The following FRMD6 variants were observed in gnomAD, a reference collection of about 807,000 sequenced individuals.
FRMD6 encodes FERM domain-containing protein 6.
Under a neutral mutation model 73.2 loss-of-function variants are expected in FRMD6, and 37 were observed. That is an observed-to-expected ratio of 0.51 (90% CI 0.39 to 0.66). FRMD6 has a LOEUF of 0.66. Among genes scored for constraint, FRMD6 ranks in the 30% least tolerant of loss-of-function variants. The pLI is 0.00. For synonymous variants in FRMD6, 273 were observed against 282.2 expected, an observed-to-expected ratio of 0.97 and a Z score of 0.33; for missense variants, 714 against 780.5, an observed-to-expected ratio of 0.91 and a Z score of 1.02.
At chr14:51,708,280 T>A (rs1162556932) in intron 7 of FRMD6, 47 bp downstream of exon 7, 1 of 1,553,794 alleles carries the variant, frequency 6.4e-7, no homozygotes, top group Non-Finnish European at 8.8e-7. Flanking sequence ...AAAAACATCT[T>A]CTCAATAGGA....
intron 10 of FRMD6, among the ~76,000 whole-genome samples, chr14:51,717,025 C>T (rs552866207): frequency 6.6e-6 from 1 of 152,168 alleles, no homozygotes; most frequent in Non-Finnish European, 1.5e-5. Context: ...CTTAAGAGAT[C>T]CCTTCAGAGC....
intron 2 of FRMD6, among the ~76,000 whole-genome samples, chr14:51,613,834 T>C (rs1221930655): frequency 6.6e-6 from 1 of 152,198 alleles, no homozygotes; most frequent in East Asian, 1.9e-4. Flanking sequence ...CCATATTTTT[T>C]AAAGTAAAAA....
At chr14:51,700,850 C>A (rs1236511880) in intron 3 of FRMD6, among the ~76,000 whole-genome samples, 1 of 151,874 alleles carries the variant, frequency 6.6e-6, no homozygotes, top group Non-Finnish European at 1.5e-5. Flanking sequence ...TTCTGTATTG[C>A]AAAAGCAAAA....
At position 51,721,971 on chromosome 14, in the gene FRMD6, C is replaced by T. The variant is rs1430431995; in HGVS notation, c.1383C>T (p.Asp461=). The T allele has an allele frequency of 1.2e-6, 2 of 1,613,842 alleles. No individual in the cohort carries two copies. Among genetic ancestry groups the T allele is most frequent in the African/African-American group, 1.3e-5 (1 of 74,892 alleles). Residue 461 remains aspartate, a synonymous_variant, in exon 12 of 14, where the codon GAC becomes GAT. Coordinates refer to ENST00000344768, the MANE Select transcript of FRMD6 (RefSeq NM_001267046.2). The part of the protein sequence containing the change: ...QDDEIEMLVD[D]PRDLEQMNEE... ...CAGAAATAGAGATGTTGGTTGATGA[C>T]CCCCGGGATCTGGAGCAGATGAATG...
At chr14:51,659,927 A>G (rs757267343) in intron 1 of FRMD6, among the ~76,000 whole-genome samples, 5 of 152,224 alleles carry the variant, frequency 3.3e-5, no homozygotes, top group Admixed American at 1.3e-4. Flanking sequence ...AAAGAAACTT[A>G]AGAAAGACAC....
chr14:51,627,880 G>A (rs1891175965), intron 2 of FRMD6, among the ~76,000 whole-genome samples: 1 of 152,130 alleles, frequency 6.6e-6, no homozygotes, highest in African/African-American at 2.4e-5. Flanking sequence ...CCTCTCTCCT[G>A]CAACTGCAGA....
At chr14:51,604,645 G>A (rs1232204509) in intron 2 of FRMD6, among the ~76,000 whole-genome samples, 1 of 152,118 alleles carries the variant, frequency 6.6e-6, no homozygotes, top group Admixed American at 6.5e-5. Flanking sequence ...ATGGCCCATT[G>A]TATTTCTTCC....
chr14:51,698,776 T>C (rs1239043456), intron 3 of FRMD6, among the ~76,000 whole-genome samples: 1 of 152,112 alleles, frequency 6.6e-6, no homozygotes, highest in African/African-American at 2.4e-5. Context: ...ATATTCTTTG[T>C]GAGGAGAAGA....
chr14:51,431,043 A>G, the FRMD6 span, among the ~76,000 whole-genome samples: 1 of 152,218 alleles, frequency 6.6e-6, no homozygotes, highest in Non-Finnish European at 1.5e-5. Flanking sequence ...TGCTGATTTT[A>G]AAGTCTCTCT....
At chr14:51,550,585 C>CCCT (rs1886762255) in intron 1 of FRMD6, among the ~76,000 whole-genome samples, 1 of 151,046 alleles carries the variant, frequency 6.6e-6, no homozygotes, top group Non-Finnish European at 1.5e-5. Context: ...AGGAGACCCC[C>CCCT]CCGCCATGCT....
chr14:51,555,448 G>A (rs1279571691), intron 1 of FRMD6, among the ~76,000 whole-genome samples: 2 of 152,140 alleles, frequency 1.3e-5, no homozygotes, highest in African/African-American at 4.8e-5. Flanking sequence ...ACAATTAATT[G>A]GAAGCACTTA....
chr14:51,425,345 C>T, the FRMD6 span, among the ~76,000 whole-genome samples: 101 of 152,242 alleles, frequency 6.6e-4, 1 homozygote, highest in South Asian at 1.0e-2. Context: ...TGACCCTGCA[C>T]GCCCCAGGAT....
the FRMD6 span, among the ~76,000 whole-genome samples, chr14:51,450,830 A>G: frequency 6.6e-6 from 1 of 152,214 alleles, no homozygotes; most frequent in Non-Finnish European, 1.5e-5. Flanking sequence ...GGTCTGTTTT[A>G]TGCCAGGCAT....
chr14:51,728,919 A>G lies in FRMD6; in HGVS notation c.*890A>G, dbSNP rs1004453225. 2.6e-5 allele frequency: 4 copies of G among 152,238 alleles called. No homozygotes were observed. Among genetic ancestry groups the G allele is most frequent in the Admixed American group, 2.6e-4 (4 of 15,284 alleles). 9.4% of individuals were successfully genotyped at this position (152,238 alleles called of 1,614,324 possible). On this transcript the variant is annotated 3_prime_UTR_variant, in exon 14 of 14. Transcript: ENST00000344768. ...CTTAACCAAAATACTCTGTGTATATATTATACATATATAAATACATGGGAT... is the reference window on the plus strand; with the variant it reads ...CTTAACCAAAATACTCTGTGTATATGTTATACATATATAAATACATGGGAT...
chr14:51,407,364 A>G, the FRMD6 span, among the ~76,000 whole-genome samples: 1 of 151,840 alleles, frequency 6.6e-6, no homozygotes, highest in Non-Finnish European at 1.5e-5. Context: ...CTCTTTTTCA[A>G]TATTCTGGAA....
rs1566602486 is a variant in FRMD6, at chr14:51,725,775, T to G, written c.1493-4T>G. 2 of 1,606,380 alleles carry G rather than the reference T, an allele frequency of 1.2e-6. No individual in the cohort carries two copies. Among genetic ancestry groups the G allele is most frequent in the Non-Finnish European group, 8.5e-7 (1 of 1,173,120 alleles). On this transcript the variant is annotated splice_polypyrimidine_tract_variant and splice_region_variant and intron_variant, in intron 12 of 13. Transcript: ENST00000344768. ...ATTGTTTTTATCTCTGTGTTTTATT[T>G]CAGGGTTGATTGTGAAAGAAATTGG...
chr14:51,487,072 TG>T (rs1014116600), upstream of FRMD6, among the ~76,000 whole-genome samples: 9 of 152,062 alleles, frequency 5.9e-5, no homozygotes, highest in Non-Finnish European at 8.8e-5. Flanking sequence ...ACTCTCAGTA[TG>T]GGTTTGGGAA....
intron 2 of FRMD6, among the ~76,000 whole-genome samples, chr14:51,635,983 T>C (rs565518541): frequency 2.0e-5 from 3 of 152,348 alleles, no homozygotes; most frequent in East Asian, 1.9e-4. Flanking sequence ...GAGTGAGTTA[T>C]GCAGTGGACA....
At chr14:51,646,436 G>C (rs1261487138) in intron 2 of FRMD6, among the ~76,000 whole-genome samples, 1 of 150,688 alleles carries the variant, frequency 6.6e-6, no homozygotes, top group Non-Finnish European at 1.5e-5. Context: ...CAGATAATCA[G>C]AGCGTGCCTG....
Sources: allele counts gnomAD v4.1 joint callset (sites outside exome capture counted in the v4.1 genomes callset), GRCh38; gene constraint gnomAD v4.1.1; transcripts MANE v1.5; gene names NCBI Gene and HGNC (gene_info 2026-07-23, HGNC 2026-07-21).